Variants in TAOK1 observed in about 807,000 individuals in gnomAD.
The protein encoded by TAOK1 is TAO kinase 1.
TAOK1 carries 21 observed loss-of-function variants against 138.3 expected under a neutral mutation model. The observed-to-expected ratio is 0.15, with a 90% confidence interval of 0.11 to 0.22. TAOK1 has a LOEUF of 0.22. Ranked by LOEUF, TAOK1 falls within the 10% of genes least tolerant of loss-of-function variation. The probability of loss-of-function intolerance (pLI) is 1.00; values close to 1 mark genes in which losing one functional copy is unlikely to be tolerated. For synonymous variants in TAOK1, 361 were observed against 398.4 expected (o/e 0.91, Z 1.12); for missense variants, 651 against 1,227.7 (o/e 0.53, Z 7.02).
chr17:29,421,592 G>C (rs1029310690), intron 1 of TAOK1, among the ~76,000 whole-genome samples: 1 of 152,100 alleles, frequency 6.6e-6, no homozygotes, highest in Non-Finnish European at 1.5e-5. Context: ...TACTTTAGTG[G>C]AAACAGTAAG....
Position 29,542,617 on chromosome 17 carries a change from G to A in TAOK1, c.2601G>A (p.Leu867=), listed in dbSNP as rs1289888952. ...AGCGCACAGAACGAATACGAAGCCT[G>A]TTGGAACGTCAAGCCAGAGAGATTG... is the stretch of plus-strand genomic sequence containing the variant. ...QNERTERIRS[L]LERQAREIEA... The change falls in exon 20 of 20, where the codon CTG becomes CTA. Residue 867 remains leucine (L), a synonymous_variant. Transcript: ENST00000261716. 2.5e-6 allele frequency: 4 copies of A among 1,614,126 alleles called. No individual in the cohort carries two copies. Among genetic ancestry groups the A allele is most frequent in the African/African-American group, 2.7e-5 (2 of 74,948 alleles).
At chr17:29,404,058 A>G (rs1904923498) in intron 1 of TAOK1, 1 of 152,174 alleles carries the variant, frequency 6.6e-6, no homozygotes, top group Non-Finnish European at 1.5e-5. Flanking sequence ...TCTTTAATCA[A>G]GAATAAAAAA....
At chr17:29,410,619 G>GTT (rs61646352) in intron 1 of TAOK1, among the ~76,000 whole-genome samples, 2,204 of 125,694 alleles carry the variant, frequency 0.018, 17 homozygotes, top group African/African-American at 0.024. Context: ...AGGGTTTTTT[G>GTT]TTTTTTTTTT....
intron 6 of TAOK1, 97 bp downstream of exon 6, chr17:29,478,444 C>A: frequency 2.6e-6 from 2 of 783,252 alleles, no homozygotes; most frequent in Non-Finnish European, 3.9e-6. Context: ...TGGTTAAAGC[C>A]AAATAAAATA....
At chr17:29,428,974 G>A (rs957924482) in intron 1 of TAOK1, among the ~76,000 whole-genome samples, 26 of 152,022 alleles carry the variant, frequency 1.7e-4, no homozygotes, top group African/African-American at 5.8e-4. Context: ...GGAATATAGC[G>A]AGAAGTCAAT....
At chr17:29,542,202 C>T (rs574615684) in intron 19 of TAOK1, among the ~76,000 whole-genome samples, 1 of 152,202 alleles carries the variant, frequency 6.6e-6, no homozygotes, top group Non-Finnish European at 1.5e-5. Flanking sequence ...ATATCCATAG[C>T]ATCAAATAAT....
At position 29,550,048 on chromosome 17, in the gene TAOK1, C is replaced by G. The variant is rs2032464545; in HGVS notation, c.*7026C>G. On this transcript the variant is annotated 3_prime_UTR_variant, in exon 20 of 20. Transcript: ENST00000261716. ...TTATCTGAAAAGGTATTTTATCACA[C>G]CTTGACACCTTATATATGAGCCTAT... is the stretch of plus-strand genomic sequence containing the variant. The G allele has an allele frequency of 6.6e-6, 1 of 152,064 alleles. No homozygotes were observed. The highest frequency in any genetic ancestry group is 2.4e-5 in the African/African-American group (1 of 41,486). The allele number at this position is 152,064 out of a possible 1,614,324, so 9.4% of individuals were successfully genotyped here. A position where few individuals can be genotyped will look rare whatever the true frequency, so the allele number is the denominator to read the frequency against.
chr17:29,445,142 ATAG>A (rs903311752), intron 1 of TAOK1, among the ~76,000 whole-genome samples: 6 of 152,184 alleles, frequency 3.9e-5, no homozygotes, highest in Admixed American at 3.3e-4. Flanking sequence ...TTGTGGGTAC[ATAG>A]TAGGTTTATA....
At chr17:29,504,622 ATC>A in intron 13 of TAOK1, among the ~76,000 whole-genome samples, 2 of 152,128 alleles carry the variant, frequency 1.3e-5, no homozygotes, top group Non-Finnish European at 2.9e-5. Flanking sequence ...GTGAGCTGAG[ATC>A]GCACTATTGC....
intron 2 of TAOK1, among the ~76,000 whole-genome samples, chr17:29,465,770 A>G (rs1034746958): frequency 1.3e-4 from 10 of 75,558 alleles, no homozygotes; most frequent in African/African-American, 4.7e-4. Flanking sequence ...CTTAATAGTT[A>G]TTTTTTTTGT....
intron 13 of TAOK1, among the ~76,000 whole-genome samples, chr17:29,504,348 A>AAAGG (rs1338483433): frequency 6.6e-6 from 1 of 150,636 alleles, no homozygotes; most frequent in Non-Finnish European, 1.5e-5. Context: ...GAGAGAAAAG[A>AAAGG]AAGGAAGGAA....
At chr17:29,464,622 CA>C (rs1177236537) in intron 2 of TAOK1, among the ~76,000 whole-genome samples, 2 of 151,980 alleles carry the variant, frequency 1.3e-5, no homozygotes, top group East Asian at 1.9e-4. Context: ...TAATCAAAAT[CA>C]GGGGGCTCAC....
At chr17:29,393,916 A>G (rs1452277654) in intron 1 of TAOK1, among the ~76,000 whole-genome samples, 5 of 152,160 alleles carry the variant, frequency 3.3e-5, no homozygotes, top group African/African-American at 1.2e-4. Context: ...TGAATAGAAA[A>G]TAATTATCGT....
chr17:29,473,606 A>T (rs1447750339), intron 3 of TAOK1, among the ~76,000 whole-genome samples: 1 of 152,134 alleles, frequency 6.6e-6, no homozygotes, highest in Non-Finnish European at 1.5e-5. Flanking sequence ...AAAAAAAAAA[A>T]AAAAAATCTG....
Position 29,473,393 on chromosome 17 carries a change from T to C in TAOK1, c.205-2277T>C, listed in dbSNP as rs562012238. Among the ~76,000 whole-genome samples the C allele has an allele frequency of 2.0e-5, 3 of 152,220 alleles. No homozygotes were observed. In the South Asian group the frequency reaches 6.2e-4, roughly 32 times the overall value. ...GCTCACACCTGTAATCTCAGCACTT[T>C]GGGAGGCCAAGGTAGGTGGATCACT... On this transcript the variant is annotated intron_variant, in intron 3 of 19. Transcript: ENST00000261716.
At chr17:29,488,337 G>A (rs1267709700) in intron 8 of TAOK1, among the ~76,000 whole-genome samples, 3 of 152,126 alleles carry the variant, frequency 2.0e-5, no homozygotes, top group South Asian at 2.1e-4. Flanking sequence ...TTGGGAGGCC[G>A]AGACGGGTAG....
In TAOK1 at chr17:29,394,157, T is replaced by G. The variant is rs541280621; in HGVS notation, c.-95+3133T>G. Among the ~76,000 whole-genome samples the G allele has an allele frequency of 6.8e-4, 71 of 104,214 alleles. No individual in the cohort carries two copies. In the East Asian group the frequency reaches 0.016, roughly 24 times the overall value. 68.4% of individuals were successfully genotyped at this position (104,214 alleles called of 152,430 possible). On this transcript the variant is annotated intron_variant, in intron 1 of 19. Transcript: ENST00000261716. ...TATTTTAATAATTTGCCAGTTTTTT[T>G]TTTTTTTTTTTTTTTTTTTTTTTTT...
rs535385577 is a variant in TAOK1, at chr17:29,508,897, A to C, written c.1575+765A>C. Among the ~76,000 whole-genome samples, 4 of 152,054 alleles carry C rather than the reference A, an allele frequency of 2.6e-5. No individual in the cohort carries two copies. The South Asian group carries it at 8.3e-4, about 31-fold the overall frequency. ...GTGTCCCATTGTTTTACTTTTTTTG[A>C]TAGCCATGTTTGTCAAGTAGAATGT... On this transcript the variant is annotated intron_variant, in intron 14 of 19. Transcript: ENST00000261716.
chr17:29,418,010 C>T (rs1431624470), intron 1 of TAOK1, among the ~76,000 whole-genome samples: 1 of 152,122 alleles, frequency 6.6e-6, no homozygotes, highest in Admixed American at 6.6e-5. Flanking sequence ...ACTTCAGCAT[C>T]CCAAGTAGCT....
Sources: gnomAD v4.1 joint callset for allele counts (sites outside exome capture counted in the v4.1 genomes callset) on GRCh38, gnomAD v4.1.1 for gene constraint, MANE v1.5 for transcripts, NCBI Gene and HGNC (gene_info 2026-07-23, HGNC 2026-07-21) for gene names.